The following NFIA variants were observed in gnomAD, a reference collection of about 807,000 sequenced individuals.
NFIA encodes the protein nuclear factor I A.
In NFIA, 8 loss-of-function variants were observed where a neutral mutation model predicts 62.8. The ratio of observed to expected loss-of-function variants is 0.13; its 90% CI spans 0.07 to 0.23. The LOEUF is 0.23. Ranked by LOEUF, NFIA falls within the 10% of genes least tolerant of loss-of-function variation. NFIA has a pLI of 1.00. For synonymous variants in NFIA, 235 were observed against 238.1 expected (o/e 0.99, Z 0.12); for missense variants, 410 against 642.1 (o/e 0.64, Z 3.91).
At chr1:61,140,148 A>G (rs945148670) in intron 2 of NFIA, among the ~76,000 whole-genome samples, 22 of 152,168 alleles carry the variant, frequency 1.4e-4, no homozygotes, top group African/African-American at 5.3e-4. Context: ...AGGCTGAGAT[A>G]AGTACTGAAA....
chr1:61,185,220 A>G (rs1651082921), intron 2 of NFIA, among the ~76,000 whole-genome samples: 1 of 152,148 alleles, frequency 6.6e-6, no homozygotes, highest in Non-Finnish European at 1.5e-5. Context: ...AGCCCACTAT[A>G]CCTGTTTCCA....
intron 2 of NFIA, among the ~76,000 whole-genome samples, chr1:61,104,024 T>C (rs1199010915): frequency 6.6e-6 from 1 of 152,168 alleles, no homozygotes; most frequent in African/African-American, 2.4e-5. Context: ...AGTAATATAG[T>C]AACTGCTCTA....
At chr1:61,143,315 T>A (rs1018266952) in intron 2 of NFIA, among the ~76,000 whole-genome samples, 3 of 152,198 alleles carry the variant, frequency 2.0e-5, no homozygotes, top group African/African-American at 7.2e-5. Context: ...TGTTTGTGAT[T>A]AAGTTAATCA....
At chr1:61,246,328 A>G (rs1269520210) in intron 2 of NFIA, among the ~76,000 whole-genome samples, 1 of 152,214 alleles carries the variant, frequency 6.6e-6, no homozygotes, top group Non-Finnish European at 1.5e-5. Flanking sequence ...AATTAACAGT[A>G]GATATGTTCA....
At chr1:61,264,231 G>T (rs897068377) in intron 2 of NFIA, among the ~76,000 whole-genome samples, 1 of 152,022 alleles carries the variant, frequency 6.6e-6, no homozygotes, top group Non-Finnish European at 1.5e-5. Context: ...AGTTCCAATC[G>T]CCCTCTTGGA....
rs1262704323 is a variant in NFIA, at chr1:61,088,725, T to A, written c.559+45T>A. On this transcript the variant is annotated intron_variant, in intron 2 of 10. Transcript: ENST00000403491. This position sits in a 1 kb window ranked among gnomAD's most constrained non-coding sequence, Gnocchi z 4.5. ...TTCCTCCCACTTTCTTGTGTGTGTT[T>A]CTTTCCTGATGGCCTCCGCGTTATG... 1 of 1,569,356 alleles carries A rather than the reference T, an allele frequency of 6.4e-7. No homozygotes were observed. Among genetic ancestry groups the A allele is most frequent in the Admixed American group, 1.8e-5 (1 of 56,308 alleles).
intron 2 of NFIA, among the ~76,000 whole-genome samples, chr1:61,257,050 A>G (rs141758412): frequency 2.6e-5 from 4 of 152,298 alleles, no homozygotes; most frequent in Non-Finnish European, 4.4e-5. Context: ...TTTACAGTCC[A>G]TCTATTTTAG....
At chr1:61,183,226 T>C (rs1570330350) in intron 2 of NFIA, among the ~76,000 whole-genome samples, 2 of 152,210 alleles carry the variant, frequency 1.3e-5, no homozygotes, top group South Asian at 2.1e-4. Flanking sequence ...GCTTAAATTA[T>C]AGAATTATGG....
chr1:61,195,900 G>A (rs551255302), intron 2 of NFIA, among the ~76,000 whole-genome samples: 10 of 152,146 alleles, frequency 6.6e-5, no homozygotes, highest in African/African-American at 1.9e-4. Flanking sequence ...TACTATAACC[G>A]TTTTAAATCA....
chr1:61,403,045 G>C lies in NFIA; in HGVS notation c.1076-1059G>C, dbSNP rs1665648881. Among the ~76,000 whole-genome samples, 5 of 152,134 alleles carry C rather than the reference G, an allele frequency of 3.3e-5. No homozygotes were observed. The South Asian group carries it at 1.0e-3, about 32-fold the overall frequency. On this transcript the variant is annotated intron_variant, in intron 7 of 10. Coordinates refer to ENST00000403491, the MANE Select transcript of NFIA (RefSeq NM_001134673.4). The stretch of plus-strand genomic sequence containing the variant: ...CTCTTCAGTATTATGAGTCATTCTT[G>C]GTATTGGAAAGGTCTTATTTTCCAA...
intron 2 of NFIA, among the ~76,000 whole-genome samples, chr1:61,105,627 T>C (rs902093445): frequency 9.9e-5 from 15 of 151,884 alleles, no homozygotes; most frequent in African/African-American, 3.4e-4. Flanking sequence ...TCTTGATTGG[T>C]AGAGAGTAAC....
intron 2 of NFIA, among the ~76,000 whole-genome samples, chr1:61,170,553 G>GTCGCCGT: frequency 6.6e-6 from 1 of 152,128 alleles, no homozygotes; most frequent in East Asian, 1.9e-4. Flanking sequence ...AGGATTTCTG[G>GTCGCCGT]ATGCTTAGGA....
At chr1:61,126,932 G>A (rs1448325923) in intron 2 of NFIA, among the ~76,000 whole-genome samples, 2 of 151,154 alleles carry the variant, frequency 1.3e-5, no homozygotes, top group African/African-American at 2.4e-5. Context: ...CTACAGATGT[G>A]TACCACCACG....
chr1:61,383,984 G>A (rs774522535), intron 7 of NFIA, among the ~76,000 whole-genome samples: 3 of 152,176 alleles, frequency 2.0e-5, no homozygotes, highest in Non-Finnish European at 4.4e-5. Context: ...TTATTAAAAT[G>A]TGTCCACGAG....
chr1:61,306,157 G>T (rs1659774890), intron 3 of NFIA, among the ~76,000 whole-genome samples: 1 of 150,506 alleles, frequency 6.6e-6, no homozygotes, highest in South Asian at 2.1e-4. Flanking sequence ...GCCTTCTTTT[G>T]ATTGTTTTCG....
At chr1:61,285,891 G>A (rs1658458924) in intron 3 of NFIA, among the ~76,000 whole-genome samples, 3 of 152,190 alleles carry the variant, frequency 2.0e-5, no homozygotes, top group African/African-American at 7.2e-5. Context: ...AGGAAAGTCA[G>A]TGTTTTCTTA....
intron 2 of NFIA, among the ~76,000 whole-genome samples, chr1:61,204,065 G>C (rs1652723984): frequency 6.6e-6 from 1 of 152,142 alleles, no homozygotes; most frequent in Non-Finnish European, 1.5e-5. Flanking sequence ...AAATTCCGTG[G>C]GATGTATTTT....
At chr1:61,450,323 G>C (rs1668003099) in intron 10 of NFIA, among the ~76,000 whole-genome samples, 1 of 152,188 alleles carries the variant, frequency 6.6e-6, no homozygotes, top group African/African-American at 2.4e-5. Context: ...ATCATATTGA[G>C]ATGGGCAGAA....
chr1:61,241,967 G>A lies in NFIA; in HGVS notation c.560-35553G>A, dbSNP rs76946717. ...AGCTTTCTAAATGAGATCGAAGAGCGTTAACTAAGACTTCGGGCTGTGCCT... is the reference window on the plus strand; with the variant it reads ...AGCTTTCTAAATGAGATCGAAGAGCATTAACTAAGACTTCGGGCTGTGCCT... On this transcript the variant is annotated intron_variant, in intron 2 of 10. Transcript: ENST00000403491. Among the ~76,000 whole-genome samples, 1,047 of 152,254 alleles carry A rather than the reference G, an allele frequency of 6.9e-3. 6 individuals are homozygous for A. Among genetic ancestry groups the A allele is most frequent in the Non-Finnish European group, 9.8e-3 (664 of 67,994 alleles).
Sources: allele counts gnomAD v4.1 joint callset (sites outside exome capture counted in the v4.1 genomes callset), GRCh38; gene constraint gnomAD v4.1.1; non-coding constraint Gnocchi (gnomAD v3.1); transcripts MANE v1.5; gene names NCBI Gene and HGNC (gene_info 2026-07-23, HGNC 2026-07-21).